Variants in GLIS1 observed in about 807,000 individuals in gnomAD.
GLIS1 encodes zinc finger protein GLIS1.
GLIS1 carries 24 observed loss-of-function variants against 63.8 expected under a neutral mutation model. The ratio of observed to expected loss-of-function variants is 0.38; its 90% CI spans 0.27 to 0.53. The LOEUF (loss-of-function observed/expected upper bound fraction) is 0.53, where lower values mean the gene tolerates loss of function less well. Among genes scored for constraint, GLIS1 ranks in the 20% least tolerant of loss-of-function variants. The pLI is 0.85. For synonymous variants in GLIS1, 450 were observed against 482.5 expected (o/e 0.93, Z 0.88); for missense variants, 1,036 against 1,074.1 (o/e 0.96, Z 0.50).
chr1:53,715,789 T>G (rs746449600), intron 2 of GLIS1, among the ~76,000 whole-genome samples: 4 of 151,926 alleles, frequency 2.6e-5, no homozygotes, highest in Non-Finnish European at 4.4e-5. Context: ...TCTGGCCCCA[T>G]GGAGGCCGTG....
At chr1:53,695,520 G>C (rs922796109) in intron 2 of GLIS1, among the ~76,000 whole-genome samples, 1 of 152,210 alleles carries the variant, frequency 6.6e-6, no homozygotes, top group Non-Finnish European at 1.5e-5. Context: ...CATCTCACTG[G>C]TGCCATGACT....
At chr1:53,663,473 C>A (rs1461243531) in intron 2 of GLIS1, among the ~76,000 whole-genome samples, 1 of 152,232 alleles carries the variant, frequency 6.6e-6, no homozygotes, top group Non-Finnish European at 1.5e-5. Flanking sequence ...ACTCCAGGCA[C>A]AACTGTGCCG....
At chr1:53,596,209 C>T (rs571179720) in intron 3 of GLIS1, among the ~76,000 whole-genome samples, 5 of 152,284 alleles carry the variant, frequency 3.3e-5, no homozygotes, top group African/African-American at 9.6e-5. Flanking sequence ...TCCACCACTG[C>T]GCAGGAGGCC....
intron 10 of GLIS1, among the ~76,000 whole-genome samples, chr1:53,507,703 C>A (rs1164785050): frequency 1.3e-5 from 2 of 152,144 alleles, no homozygotes; most frequent in East Asian, 3.9e-4. Context: ...GGCAGCTGAG[C>A]GGGCCTGGAG....
At chr1:53,572,050 A>G (rs1644989819) in intron 4 of GLIS1, among the ~76,000 whole-genome samples, 1 of 152,222 alleles carries the variant, frequency 6.6e-6, no homozygotes, top group Non-Finnish European at 1.5e-5. Flanking sequence ...GAAAATAGGC[A>G]GTAGTTCCAG....
At chr1:53,622,278 A>G (rs528724903) in intron 2 of GLIS1, among the ~76,000 whole-genome samples, 1 of 151,832 alleles carries the variant, frequency 6.6e-6, no homozygotes, top group African/African-American at 2.4e-5. Context: ...AAATACAAAT[A>G]CTAGCTGGGT....
chr1:53,560,787 A>G lies in GLIS1; in HGVS notation c.1321-30835T>C, dbSNP rs1644878633. ...TCAGAAGTGGCCCACGACAGTGGCGATGAGTCCTTGGACTCCACCCATACC... is the reference window on the plus strand; with the variant it reads ...TCAGAAGTGGCCCACGACAGTGGCGGTGAGTCCTTGGACTCCACCCATACC... On this transcript the variant is annotated intron_variant, in intron 4 of 10. Transcript: ENST00000628545. The surrounding 1 kb of genome is among the most constrained non-coding windows in gnomAD (Gnocchi z 4.4). 6.6e-6 allele frequency among the ~76,000 whole-genome samples: 1 copy of G among 152,178 alleles called. No homozygotes were observed. Among genetic ancestry groups the G allele is most frequent in the Non-Finnish European group, 1.5e-5 (1 of 68,024 alleles).
rs548213602 is a variant in GLIS1 at position 53,641,263 on chromosome 1, T to C, written c.260-40985A>G. Among the ~76,000 whole-genome samples the C allele has an allele frequency of 2.0e-5, 3 of 152,294 alleles. No individual in the cohort carries two copies. In the South Asian group the frequency reaches 6.2e-4, roughly 32 times the overall value. On this transcript the variant is annotated intron_variant, in intron 2 of 10. Coordinates refer to ENST00000628545, the MANE Select transcript of GLIS1 (RefSeq NM_001367484.1). ...GGCAAGTCCTTACTCTTTCTGAGGC[T>C]GTTTCCTCATCTGTAAAATAGGGAT...
chr1:53,532,466 C>A (rs12033619), intron 4 of GLIS1, among the ~76,000 whole-genome samples: 21,929 of 152,168 alleles, frequency 0.14, 3,295 homozygotes, highest in East Asian at 0.49. Context: ...AGGCGAGCCA[C>A]CCACAGCTGG....
In GLIS1 at chr1:53,594,242, T is replaced by C. The variant is rs755350809; in HGVS notation, c.1186A>G (p.Ile396Val). Residue 396 changes from isoleucine to valine, a missense_variant, in exon 4 of 11, where the codon ATC (isoleucine) becomes GTC (valine). Coordinates refer to ENST00000628545, the MANE Select transcript of GLIS1 (RefSeq NM_001367484.1). ...ELVRHIEKSH[I>V]DQRKGEDFTC... is the part of the protein sequence containing the mutation. ...AAGTCCTCGCCCTTGCGCTGGTCGA[T>C]GTGGCTCTTCTCGATGTGCCGCACC... The C allele has an allele frequency of 1.2e-6, 2 of 1,613,786 alleles. No individual in the cohort carries two copies. Among genetic ancestry groups the C allele is most frequent in the Non-Finnish European group, 1.7e-6 (2 of 1,179,958 alleles).
intron 2 of GLIS1, among the ~76,000 whole-genome samples, chr1:53,737,484 T>C (rs981070175): frequency 6.6e-6 from 1 of 152,222 alleles, no homozygotes; most frequent in Non-Finnish European, 1.5e-5. Context: ...GATACCAATA[T>C]ATGCGTTGCT....
intron 2 of GLIS1, among the ~76,000 whole-genome samples, chr1:53,604,218 T>C (rs916725224): frequency 6.6e-6 from 1 of 152,202 alleles, no homozygotes; most frequent in African/African-American, 2.4e-5. Flanking sequence ...GGAAACATGT[T>C]GTCCCCAGAA....
chr1:53,733,033 A>C (rs1046486278), intron 2 of GLIS1, among the ~76,000 whole-genome samples: 1 of 152,018 alleles, frequency 6.6e-6, no homozygotes, highest in Non-Finnish European at 1.5e-5. Context: ...CAGATTGAAA[A>C]CCCTGTCCCA....
chr1:53,594,328 G>A lies in GLIS1; in HGVS notation c.1100C>T (p.Ala367Val), dbSNP rs1645226058. The A allele has an allele frequency of 6.2e-7, 1 of 1,611,628 alleles. No homozygotes were observed. The highest frequency in any genetic ancestry group is 8.5e-7 in the Non-Finnish European group (1 of 1,179,466). The change falls in exon 4 of 11, where the codon GCC (alanine) becomes GTC (valine). Residue 367 changes from alanine (A) to valine (V), a missense_variant. Physicochemically the swap from Ala to Val is moderately conservative, Grantham distance 64 (BLOSUM62 0). This residue lies in a region of GLIS1 where 592 missense variants were observed against 593.9 expected (regional missense o/e 1.00). Coordinates refer to ENST00000628545, the MANE Select transcript of GLIS1 (RefSeq NM_001367484.1). ...CACCCAGCGGCACGCCTGCCGCCCG[G>A]CCACCACCCTGCCTGCCAGGCCCAG... is the stretch of plus-strand genomic sequence containing the variant. ...LGLGLAGRVV[A>V]GRQACRWVDC...
intron 3 of GLIS1, among the ~76,000 whole-genome samples, 152 bp from the exon 4 acceptor site, chr1:53,595,142 C>T (rs1645242185): frequency 1.3e-5 from 2 of 152,002 alleles, no homozygotes; most frequent in Admixed American, 1.3e-4. Flanking sequence ...GAAAGAGCAC[C>T]TACAGACTGG....
chr1:53,514,781 C>G lies in GLIS1; in HGVS notation c.1727G>C (p.Gly576Ala). ...GGGGGTGATGGAGCCAGGATACACA[C>G]CTGCAGGGAATCAAACAAGGCTCAC... is the stretch of plus-strand genomic sequence containing the variant. ...GCGLGQELLP[G>A]VYPGSITPHN... Residue 576 changes from glycine (G) to alanine (A), a missense_variant and splice_region_variant, in exon 8 of 11, where the codon GGT (glycine) becomes GCT (alanine). Gly to Ala is a moderately conservative substitution (Grantham distance 60). Around this residue, in one of 3 missense-constraint regions of GLIS1, gnomAD observed 400 missense variants for 400.9 expected, o/e 1.00. Coordinates refer to ENST00000628545, the MANE Select transcript of GLIS1 (RefSeq NM_001367484.1). 1 of 1,581,880 alleles carries G rather than the reference C, an allele frequency of 6.3e-7. No homozygotes were observed. The highest frequency in any genetic ancestry group is 8.6e-7 in the Non-Finnish European group (1 of 1,164,392).
chr1:53,704,058 T>C (rs1187039957), intron 2 of GLIS1, among the ~76,000 whole-genome samples: 1 of 152,274 alleles, frequency 6.6e-6, no homozygotes, highest in African/African-American at 2.4e-5. Flanking sequence ...TTTGTTTAGC[T>C]TGTTCTGAGA....
chr1:53,682,572 C>T (rs978870469), intron 2 of GLIS1, among the ~76,000 whole-genome samples: 2 of 152,258 alleles, frequency 1.3e-5, no homozygotes, highest in South Asian at 2.1e-4. Context: ...GGCAGCACTT[C>T]GCTTATTAGA....
At chr1:53,624,560 A>C (rs1231596349) in intron 2 of GLIS1, among the ~76,000 whole-genome samples, 1 of 151,534 alleles carries the variant, frequency 6.6e-6, no homozygotes. Context: ...TTTTTTAAAG[A>C]GACGGAGTCT....
Sources: gnomAD v4.1 joint callset for allele counts (sites outside exome capture counted in the v4.1 genomes callset) on GRCh38, gnomAD v4.1.1 for gene constraint, gnomAD v4.1.1 regional missense constraint, Gnocchi (gnomAD v3.1) non-coding constraint, MANE v1.5 for transcripts, NCBI Gene and HGNC (gene_info 2026-07-23, HGNC 2026-07-21) for gene names.